STAT4: variants seen among roughly 807,000 people sequenced by gnomAD.
The protein encoded by STAT4 is signal transducer and activator of transcription 4.
A neutral mutation model predicts 110.5 loss-of-function variants in STAT4; 42 were observed. The observed-to-expected ratio is 0.38, with a 90% confidence interval of 0.30 to 0.49. STAT4 has a LOEUF of 0.49. STAT4 is among the 20% of genes least tolerant of loss of function. The pLI, the probability that STAT4 is intolerant of heterozygous loss-of-function variation, is 0.95. For missense variants in STAT4, 632 were observed against 887.9 expected, an observed-to-expected ratio of 0.71 and a Z score of 3.66; for synonymous variants, 284 against 302.2, an observed-to-expected ratio of 0.94 and a Z score of 0.63.
intron 3 of STAT4, among the ~76,000 whole-genome samples, chr2:191,108,142 T>A (rs1698330168): frequency 6.6e-6 from 1 of 151,812 alleles, no homozygotes; most frequent in African/African-American, 2.4e-5. Context: ...AATAGAAAAA[T>A]TTGCCAGACA....
At chr2:191,096,940 A>T (rs1011803956) in intron 3 of STAT4, among the ~76,000 whole-genome samples, 21 of 152,220 alleles carry the variant, frequency 1.4e-4, no homozygotes, top group African/African-American at 5.1e-4. Flanking sequence ...TACAAAATCA[A>T]TGTGCAAAAA....
In STAT4 at chr2:191,069,675, G is replaced by GA; in HGVS notation, c.544+17dup. ...CTTTTTGTCTCTATGCATAATTATAGAAAAAACAAAAACTTACCCATTGTC... is the reference window on the plus strand; with the variant it reads ...CTTTTTGTCTCTATGCATAATTATAGAAAAAAACAAAAACTTACCCATTGTC... On this transcript the variant is annotated intron_variant, in intron 6 of 23. Coordinates refer to ENST00000392320, the MANE Select transcript of STAT4 (RefSeq NM_003151.4). 6 of 1,598,210 alleles carry GA rather than the reference G, an allele frequency of 3.8e-6. No homozygotes were observed. Among genetic ancestry groups the GA allele is most frequent in the Non-Finnish European group, 5.1e-6 (6 of 1,172,014 alleles).
intron 7 of STAT4, among the ~76,000 whole-genome samples, chr2:191,065,595 T>C (rs762312934): frequency 6.6e-6 from 1 of 152,166 alleles, no homozygotes. Flanking sequence ...ATTCCTAAAG[T>C]AGAATAAGAT....
intron 3 of STAT4, among the ~76,000 whole-genome samples, chr2:191,087,979 A>AAGGCAAGGT (rs903573755): frequency 6.6e-6 from 1 of 152,202 alleles, no homozygotes; most frequent in African/African-American, 2.4e-5. Flanking sequence ...GACAAAGAAC[A>AAGGCAAGGT]AGGCAAGGTA....
Position 191,143,029 on chromosome 2 carries a change from C to T in STAT4, c.273+3584G>A, listed in dbSNP as rs1373674601. Among the ~76,000 whole-genome samples the T allele has an allele frequency of 6.6e-6, 1 of 152,066 alleles. No homozygotes were observed. Among genetic ancestry groups the T allele is most frequent in the African/African-American group, 2.4e-5 (1 of 41,400 alleles). On this transcript the variant is annotated intron_variant, in intron 3 of 23. Transcript: ENST00000392320. The surrounding 1 kb of genome is among the most constrained non-coding windows in gnomAD (Gnocchi z 5.6). ...TTTCGTCAACTGTCACAAATGTATG[C>T]TACCAATGCAAGACATGAATAATAG...
At chr2:191,068,636 T>C (rs1020339814) in intron 6 of STAT4, 1 of 152,146 alleles carries the variant, frequency 6.6e-6, no homozygotes, top group Non-Finnish European at 1.5e-5. Context: ...TTTTGAATTA[T>C]TTTGAAATAA....
At chr2:191,069,098 AT>A (rs902845276) in intron 6 of STAT4, among the ~76,000 whole-genome samples, 1 of 152,108 alleles carries the variant, frequency 6.6e-6, no homozygotes, top group Non-Finnish European at 1.5e-5. Context: ...ATATGATTTC[AT>A]TTTTTGAAAA....
chr2:191,069,636 T>G, intron 6 of STAT4, 57 bp downstream of exon 6: 3 of 1,331,508 alleles, frequency 2.3e-6, no homozygotes, highest in East Asian at 2.3e-5. Flanking sequence ...GTGAGAAAAC[T>G]CTACTCAAGA....
Position 191,036,207 on chromosome 2 carries a change from A to C in STAT4, c.1527T>G (p.Gly509=). ...GCATATGGAGTTGATCTGAGTTAAG[A>C]CCACGACCAACGTACGATGAAAACT... The part of the protein sequence containing the change: ...SWQFSSYVGR[G]LNSDQLHMLA... Residue 509 remains glycine, a synonymous_variant, in exon 17 of 24, where the codon GGT becomes GGG. Coordinates refer to ENST00000392320, the MANE Select transcript of STAT4 (RefSeq NM_003151.4). The C allele has an allele frequency of 2.5e-6, 4 of 1,614,172 alleles. No individual in the cohort carries two copies. Among genetic ancestry groups the C allele is most frequent in the Non-Finnish European group, 3.4e-6 (4 of 1,180,028 alleles).
At chr2:191,049,405 T>TGACCTCGTGATCTGCC (rs1696456580) in intron 14 of STAT4, among the ~76,000 whole-genome samples, 1 of 152,090 alleles carries the variant, frequency 6.6e-6, no homozygotes, top group Non-Finnish European at 1.5e-5. Flanking sequence ...CTCACTCTCC[T>TGACCTCGTGATCTGCC]GACCTCGTGA....
At chr2:191,096,647 A>G (rs528829855) in intron 3 of STAT4, among the ~76,000 whole-genome samples, 1 of 152,214 alleles carries the variant, frequency 6.6e-6, no homozygotes, top group South Asian at 2.1e-4. Context: ...TTTATGAAAA[A>G]CCTACAGCCA....
At position 191,142,422 on chromosome 2, in the gene STAT4, G is replaced by A. The variant is rs7589175; in HGVS notation, c.273+4191C>T. On this transcript the variant is annotated intron_variant, in intron 3 of 23. Coordinates refer to ENST00000392320, the MANE Select transcript of STAT4 (RefSeq NM_003151.4). The surrounding 1 kb of genome is among the most constrained non-coding windows in gnomAD (Gnocchi z 4.1). ...AGCTAAAGAAGTGGATCTCATGGAG[G>A]TAAAGAGTAGAATATAGATACCAGA... Among the ~76,000 whole-genome samples the A allele has an allele frequency of 1, 152,066 of 152,246 alleles. 75,944 individuals are homozygous for A. Among genetic ancestry groups the A allele is most frequent in the Non-Finnish European group, 1 (68,036 of 68,036 alleles).
In STAT4 at chr2:191,135,713, T is replaced by C. The variant is rs548726491; in HGVS notation, c.273+10900A>G. Reference sequence around the variant, plus strand: ...AAACTCCTGACCTCAGGTGGTCACCTGCCTCAGCTTCCCAAAGTGCTGGGA... The same window carrying C: ...AAACTCCTGACCTCAGGTGGTCACCCGCCTCAGCTTCCCAAAGTGCTGGGA... On this transcript the variant is annotated intron_variant, in intron 3 of 23. Transcript: ENST00000392320. The surrounding 1 kb of genome is among the most constrained non-coding windows in gnomAD (Gnocchi z 4.8). 4.6e-5 allele frequency among the ~76,000 whole-genome samples: 7 copies of C among 152,306 alleles called. No individual in the cohort carries two copies. In the South Asian group the frequency reaches 1.5e-3, roughly 32 times the overall value.
Position 191,058,834 on chromosome 2 carries a change from T to G in STAT4, c.1035-65A>C. 1 of 925,434 alleles carries G rather than the reference T, an allele frequency of 1.1e-6. No homozygotes were observed. Among genetic ancestry groups the G allele is most frequent in the Non-Finnish European group, 1.7e-6 (1 of 598,830 alleles). The allele number at this position is 925,434 out of a possible 1,614,324, so 57.3% of individuals were successfully genotyped here. A position where few individuals can be genotyped will look rare whatever the true frequency, so the allele number is the denominator to read the frequency against. ...TTAAAAGTGTTTAAAAACCCTTTTT[T>G]ATATTTAAACATTTAAATATACTAT... On this transcript the variant is annotated intron_variant, in intron 10 of 23. Transcript: ENST00000392320. The surrounding 1 kb of genome is among the most constrained non-coding windows in gnomAD (Gnocchi z 4.3).
At chr2:191,115,113 T>C (rs541619341) in intron 3 of STAT4, among the ~76,000 whole-genome samples, 9 of 152,306 alleles carry the variant, frequency 5.9e-5, no homozygotes, top group Non-Finnish European at 8.8e-5. Context: ...CCAACACTTA[T>C]GGAGGGTCTG....
At chr2:191,080,145 C>T (rs1363715673) in intron 3 of STAT4, among the ~76,000 whole-genome samples, 2 of 152,038 alleles carry the variant, frequency 1.3e-5, no homozygotes, top group African/African-American at 2.4e-5. Flanking sequence ...ACCTTTATCT[C>T]TAGTAATGCT....
intron 3 of STAT4, among the ~76,000 whole-genome samples, chr2:191,122,621 GA>G (rs2125394812): frequency 6.6e-6 from 1 of 152,208 alleles, no homozygotes; most frequent in South Asian, 2.1e-4. Flanking sequence ...ACCCACAGAA[GA>G]ATGAATAAAT....
intron 3 of STAT4, among the ~76,000 whole-genome samples, chr2:191,136,837 G>A (rs540915829): frequency 1.2e-4 from 19 of 152,074 alleles, no homozygotes; most frequent in Non-Finnish European, 2.8e-4. Flanking sequence ...AATCTCCTAG[G>A]TCTGATAAAT....
At position 191,143,453 on chromosome 2, in the gene STAT4, A is replaced by T. The variant is rs141834596; in HGVS notation, c.273+3160T>A. ...TGGGTGTGAGTCTGCCTCCCCTTAA[A>T]TAGGCCAAGGGCTGCTGAACGATGG... On this transcript the variant is annotated intron_variant, in intron 3 of 23. Transcript: ENST00000392320. The surrounding 1 kb of genome is among the most constrained non-coding windows in gnomAD (Gnocchi z 5.6). Among the ~76,000 whole-genome samples, 252 of 152,278 alleles carry T rather than the reference A, an allele frequency of 1.7e-3. No individual in the cohort carries two copies. Among genetic ancestry groups the T allele is most frequent in the African/African-American group, 5.7e-3 (236 of 41,560 alleles).
Sources: allele counts gnomAD v4.1 joint callset (sites outside exome capture counted in the v4.1 genomes callset), GRCh38; gene constraint gnomAD v4.1.1; non-coding constraint Gnocchi (gnomAD v3.1); transcripts MANE v1.5; gene names NCBI Gene and HGNC (gene_info 2026-07-23, HGNC 2026-07-21).